TSPAN7: variants seen among roughly 807,000 people sequenced by gnomAD.
The protein encoded by TSPAN7 is tetraspanin 7, also known as tetraspanin-7.
A neutral mutation model predicts 17.6 loss-of-function variants in TSPAN7; 1 was observed. The observed-to-expected ratio is 0.06, with a 90% confidence interval of 0.02 to 0.27. TSPAN7 has a LOEUF of 0.27. TSPAN7 is among the 10% of genes least tolerant of loss of function. The pLI is 1.00. For synonymous variants in TSPAN7, 78 were observed against 79.0 expected, an observed-to-expected ratio of 0.99 and a Z score of 0.07; for missense variants, 112 against 201.7, an observed-to-expected ratio of 0.56 and a Z score of 2.69.
rs541960918 is a variant in TSPAN7, at chrX:38,661,328, A to G, written c.82-4793A>G. Among the ~76,000 whole-genome samples the G allele has an allele frequency of 1.2e-4, 14 of 112,873 alleles. No individual in the cohort carries two copies. In the South Asian group the frequency reaches 5.1e-3, roughly 41 times the overall value. The stretch of plus-strand genomic sequence containing the variant: ...TGAGTATAATTTTAAAGTAATATGT[A>G]TCATCACACAGAAGCCTTTTCAGTT... On this transcript the variant is annotated intron_variant, in intron 1 of 7. Coordinates refer to ENST00000378482, the MANE Select transcript of TSPAN7 (RefSeq NM_004615.4).
At chrX:38,609,346 T>G (rs1284787536) in intron 1 of TSPAN7, among the ~76,000 whole-genome samples, 3 of 111,730 alleles carry the variant, frequency 2.7e-5, no homozygotes, top group Non-Finnish European at 5.6e-5. Flanking sequence ...AAATCAGTTC[T>G]ATTATTAGTG....
intron 1 of TSPAN7, among the ~76,000 whole-genome samples, chrX:38,664,247 AT>A (rs1361286216): frequency 6.3e-5 from 7 of 111,041 alleles, no homozygotes; most frequent in Admixed American, 1.9e-4. Flanking sequence ...AAAAAAATAT[AT>A]TTTTTTTCTC....
At chrX:38,615,107 G>A (rs933369945) in intron 1 of TSPAN7, among the ~76,000 whole-genome samples, 2 of 111,310 alleles carry the variant, frequency 1.8e-5, no homozygotes, top group African/African-American at 6.5e-5. Context: ...GGACTGGGTG[G>A]ATTTGAATAT....
chrX:38,664,780 G>A (rs1450983177), intron 1 of TSPAN7, among the ~76,000 whole-genome samples: 1 of 111,927 alleles, frequency 8.9e-6, no homozygotes, highest in Non-Finnish European at 1.9e-5. Context: ...GGGTGGGGAA[G>A]TGTCACCAAA....
chrX:38,613,451 C>G (rs1016699231), intron 1 of TSPAN7, among the ~76,000 whole-genome samples: 1 of 112,076 alleles, frequency 8.9e-6, no homozygotes, highest in Non-Finnish European at 1.9e-5. Flanking sequence ...GAAAGCTGCT[C>G]TGAAGCTAAG....
At chrX:38,684,092 T>A (rs926271167) in intron 6 of TSPAN7, among the ~76,000 whole-genome samples, 4 of 112,222 alleles carry the variant, frequency 3.6e-5, no homozygotes, top group African/African-American at 1.3e-4. Context: ...CTTGCTCTTG[T>A]GACCTCCGTG....
intron 1 of TSPAN7, among the ~76,000 whole-genome samples, chrX:38,605,213 C>G (rs1176635952): frequency 9.0e-6 from 1 of 110,697 alleles, no homozygotes; most frequent in Non-Finnish European, 1.9e-5. Context: ...TCAGCAAAGT[C>G]TCAGGATACA....
At chrX:38,624,071 C>A (rs1246729639) in intron 1 of TSPAN7, among the ~76,000 whole-genome samples, 2 of 110,653 alleles carry the variant, frequency 1.8e-5, no homozygotes, top group Admixed American at 1.9e-4. Context: ...TCTTGGCAGA[C>A]AACTCTGAGA....
chrX:38,658,450 G>A (rs2069718281), intron 1 of TSPAN7, among the ~76,000 whole-genome samples: 1 of 111,252 alleles, frequency 9.0e-6, no homozygotes, highest in African/African-American at 3.3e-5. Context: ...AAAGTGCTGG[G>A]ATTATAGGCA....
At chrX:38,601,664 A>G (rs1253685647) in intron 1 of TSPAN7, among the ~76,000 whole-genome samples, 1 of 111,909 alleles carries the variant, frequency 8.9e-6, no homozygotes, top group East Asian at 2.8e-4. Flanking sequence ...TATAAGATAC[A>G]TCTACTGGTA....
chrX:38,617,686 T>G (rs1197471107), intron 1 of TSPAN7, among the ~76,000 whole-genome samples: 1 of 112,401 alleles, frequency 8.9e-6, no homozygotes, highest in Non-Finnish European at 1.9e-5. Context: ...GAAGACTTCA[T>G]GCCACACTTT....
chrX:38,649,510 G>A (rs936980955), intron 1 of TSPAN7, among the ~76,000 whole-genome samples: 4 of 111,728 alleles, frequency 3.6e-5, no homozygotes, highest in African/African-American at 1.3e-4. Flanking sequence ...ACACTTTTGG[G>A]AGGAGCTGAG....
chrX:38,619,365 T>C (rs1241348431), intron 1 of TSPAN7, among the ~76,000 whole-genome samples: 2 of 111,981 alleles, frequency 1.8e-5, no homozygotes, highest in East Asian at 5.6e-4. Context: ...GGTGATATTG[T>C]TCATGCCCTC....
At chrX:38,613,327 CT>C (rs2069432686) in intron 1 of TSPAN7, among the ~76,000 whole-genome samples, 1 of 111,810 alleles carries the variant, frequency 8.9e-6, no homozygotes, top group African/African-American at 3.2e-5. Flanking sequence ...CTTAATTTTT[CT>C]CCTAGGTGTA....
chrX:38,669,249 T>G (rs183868387), intron 2 of TSPAN7, among the ~76,000 whole-genome samples: 10 of 111,906 alleles, frequency 8.9e-5, no homozygotes, highest in Admixed American at 9.5e-5. Flanking sequence ...ACAATAAAAT[T>G]TTTAAAATAT....
Position 38,673,982 on chromosome X carries a change from A to G in TSPAN7, c.346-239A>G, listed in dbSNP as rs762642088. On this transcript the variant is annotated intron_variant, in intron 3 of 7. Coordinates refer to ENST00000378482, the MANE Select transcript of TSPAN7 (RefSeq NM_004615.4). ...GACAGGCCCCTCCAGTAGGTCATTCAGCAGGTCAGGCTTTCTCTGGATTGA... is the reference window on the plus strand; with the variant it reads ...GACAGGCCCCTCCAGTAGGTCATTCGGCAGGTCAGGCTTTCTCTGGATTGA... Among the ~76,000 whole-genome samples, 117 of 111,789 alleles carry G rather than the reference A, an allele frequency of 1.0e-3. 1 individual carries two copies. The highest frequency in any genetic ancestry group is 3.6e-3 in the African/African-American group (111 of 30,746).
At chrX:38,584,463 C>G (rs190459741) in intron 1 of TSPAN7, among the ~76,000 whole-genome samples, 45 of 111,715 alleles carry the variant, frequency 4.0e-4, no homozygotes, top group African/African-American at 1.4e-3. Context: ...TTTCTCTCTT[C>G]TTTTTCCTTA....
At chrX:38,645,955 CA>C (rs1468230752) in intron 1 of TSPAN7, among the ~76,000 whole-genome samples, 3 of 111,991 alleles carry the variant, frequency 2.7e-5, no homozygotes, top group Non-Finnish European at 3.8e-5. Context: ...TTCATCAGCA[CA>C]ACAGTTTACA....
chrX:38,573,783 G>A (rs2069180888), intron 1 of TSPAN7, among the ~76,000 whole-genome samples: 1 of 111,476 alleles, frequency 9.0e-6, no homozygotes, highest in South Asian at 3.8e-4. Context: ...TTTGTAGAAT[G>A]TCCCTCAATT....
Sources: allele counts gnomAD v4.1 joint callset (sites outside exome capture counted in the v4.1 genomes callset), GRCh38; gene constraint gnomAD v4.1.1; transcripts MANE v1.5; gene names NCBI Gene and HGNC (gene_info 2026-07-23, HGNC 2026-07-21).